Variants in KRT8 observed in about 807,000 individuals in gnomAD.
KRT8 encodes keratin, type II cytoskeletal 8.
In KRT8, 24 loss-of-function variants were observed where a neutral mutation model predicts 43.0. The ratio of observed to expected loss-of-function variants is 0.56; its 90% CI spans 0.40 to 0.78. The LOEUF is 0.78. Ranked by LOEUF, KRT8 falls within the 30% of genes least tolerant of loss-of-function variation. KRT8 has a pLI of 0.00. For missense variants in KRT8, 492 were observed against 638.4 expected, an observed-to-expected ratio of 0.77 and a Z score of 2.47; for synonymous variants, 214 against 261.2, an observed-to-expected ratio of 0.82 and a Z score of 1.74.
At chr12:52,897,298 A>T (rs1941231163) in exon 8 of KRT8, 2 of 871,468 alleles carry the variant, frequency 2.3e-6, no homozygotes, top group Non-Finnish European at 3.8e-6. Context: ...TAAACTCCCC[A>T]GGTGGGCTGA....
intron 2 of KRT8, among the ~76,000 whole-genome samples, chr12:52,931,657 C>CATATATATATATATATATATATATAT (rs34460731): frequency 3.1e-4 from 46 of 147,202 alleles, no homozygotes; most frequent in African/African-American, 1.1e-3. Flanking sequence ...ATTGGCTCCC[C>CATATATATATATATATATATATATAT]ATATATATAT....
At chr12:52,904,169 C>G (rs1026817168) in intron 1 of KRT8, among the ~76,000 whole-genome samples, 1 of 152,026 alleles carries the variant, frequency 6.6e-6, no homozygotes, top group Non-Finnish European at 1.5e-5. Flanking sequence ...AAAGGCACCA[C>G]TGGGGAGCCC....
chr12:52,926,332 GC>G, intron 2 of KRT8: 2 of 600,278 alleles, frequency 3.3e-6, no homozygotes, highest in African/African-American at 1.9e-5. Flanking sequence ...GGCACTAGCT[GC>G]CCTCCCCACC....
chr12:52,908,272 CTG>C (rs1444680825), upstream of KRT8, among the ~76,000 whole-genome samples: 4 of 152,194 alleles, frequency 2.6e-5, no homozygotes, highest in Admixed American at 2.0e-4. Flanking sequence ...GTCACCCAGA[CTG>C]GAGTGCAGTG....
At chr12:52,918,805 C>T (rs971607421) in intron 2 of KRT8, among the ~76,000 whole-genome samples, 1 of 152,150 alleles carries the variant, frequency 6.6e-6, no homozygotes, top group Non-Finnish European at 1.5e-5. Context: ...ACAATTTCCC[C>T]CATTCCCTCA....
chr12:52,932,094 T>C (rs994823488), intron 2 of KRT8, among the ~76,000 whole-genome samples: 4 of 139,384 alleles, frequency 2.9e-5, no homozygotes, highest in Non-Finnish European at 4.6e-5. Context: ...AAATCATTCT[T>C]TTTTTTTTTT....
intron 2 of KRT8, among the ~76,000 whole-genome samples, chr12:52,912,671 G>C (rs1941658595): frequency 6.6e-6 from 1 of 152,234 alleles, no homozygotes; most frequent in Non-Finnish European, 1.5e-5. Flanking sequence ...CAGTCGCCTG[G>C]CCTCCATGTC....
chr12:52,931,090 CAG>C (rs1298132776), intron 2 of KRT8, among the ~76,000 whole-genome samples: 5 of 146,552 alleles, frequency 3.4e-5, no homozygotes, highest in Non-Finnish European at 4.5e-5. Flanking sequence ...TTTTTTGAGA[CAG>C]AGTGTCGCTC....
intron 2 of KRT8, among the ~76,000 whole-genome samples, chr12:52,938,849 C>T (rs922191613): frequency 8.6e-5 from 13 of 151,988 alleles, no homozygotes; most frequent in African/African-American, 3.1e-4. Context: ...GATCTCCTGA[C>T]CTCATGATCC....
At chr12:52,897,267 G>GC (rs1941229800) in exon 8 of KRT8, 1 of 726,054 alleles carries the variant, frequency 1.4e-6, no homozygotes, top group African/African-American at 1.7e-5. Context: ...GGAGGCATGG[G>GC]CAAGGGGGGT....
At chr12:52,918,178 GAGGAAGAAGAAGAAGAAGAAGAAGAAC>G (rs1941795590) in intron 2 of KRT8, among the ~76,000 whole-genome samples, 4 of 123,430 alleles carry the variant, frequency 3.2e-5, no homozygotes, top group African/African-American at 1.3e-4. Flanking sequence ...AGAAGAGGAA[GAGGAAGAAGAAGAAGAAGAAGAAGAAC>G]AAGAAGAAGA....
intron 2 of KRT8, among the ~76,000 whole-genome samples, chr12:52,928,529 A>G (rs1942032215): frequency 6.6e-6 from 1 of 152,030 alleles, no homozygotes; most frequent in Admixed American, 6.6e-5. Context: ...CTCCCTTGCC[A>G]TACTCCTCCC....
In KRT8 at chr12:52,949,134, G is replaced by A. The variant is rs376817240; in HGVS notation, c.-47+322C>T. 9.2e-5 allele frequency: 147 copies of A among 1,592,842 alleles called. 1 individual carries two copies. The highest frequency in any genetic ancestry group is 1.2e-4 in the Non-Finnish European group (135 of 1,163,374). ...CTCGCGCAGGCCGCCACCGTCGTCC[G>A]CAAAGCCTGAGTCCTGTCCTTTCTC... On this transcript the variant is annotated intron_variant, in intron 2 of 6. Transcript: ENST00000546826.
upstream of KRT8, chr12:52,906,899 G>T (rs1941532408): frequency 2.6e-6 from 1 of 381,344 alleles, no homozygotes. Flanking sequence ...TACCCAGAAG[G>T]ACAGAGAGAC....
chr12:52,905,390 G>A (rs1941491242), upstream of KRT8, among the ~76,000 whole-genome samples: 1 of 152,202 alleles, frequency 6.6e-6, no homozygotes, highest in Non-Finnish European at 1.5e-5. Context: ...TGACTCCTGG[G>A]TCTTGTCTCC....
chr12:52,944,221 G>A lies in KRT8; in HGVS notation c.-47+5235C>T, dbSNP rs145651097. 7.6e-3 allele frequency among the ~76,000 whole-genome samples: 1,153 copies of A among 152,268 alleles called. 13 individuals carry two copies. The highest frequency in any genetic ancestry group is 0.026 in the African/African-American group (1,083 of 41,548). ...GACCAAGCTAGTAAAGGCTGCTCAA[G>A]ATCACTAAGCCAGCAGTGGGGAATA... On this transcript the variant is annotated intron_variant, in intron 2 of 6. Coordinates refer to the KRT8 transcript ENST00000546826.
chr12:52,911,792 G>T (rs1334996616), upstream of KRT8, among the ~76,000 whole-genome samples: 2 of 152,130 alleles, frequency 1.3e-5, no homozygotes, highest in African/African-American at 4.8e-5. Context: ...CAGCACTTTG[G>T]GTGGGTGGAT....
chr12:52,916,624 T>C (rs1167267545), intron 2 of KRT8, among the ~76,000 whole-genome samples: 1 of 152,050 alleles, frequency 6.6e-6, no homozygotes, highest in Non-Finnish European at 1.5e-5. Context: ...TGCTCCAGAG[T>C]AAATGTATAG....
intron 2 of KRT8, among the ~76,000 whole-genome samples, chr12:52,915,584 C>T (rs1470389683): frequency 1.3e-5 from 2 of 151,882 alleles, no homozygotes; most frequent in African/African-American, 4.8e-5. Context: ...GTGGTGCATG[C>T]CTGTAGTCCC....
Sources: gnomAD v4.1 joint callset for allele counts (sites outside exome capture counted in the v4.1 genomes callset) on GRCh38, gnomAD v4.1.1 for gene constraint, MANE v1.5 for transcripts, NCBI Gene and HGNC (gene_info 2026-07-23, HGNC 2026-07-21) for gene names.